Variants in NMNAT2 observed in about 807,000 individuals in gnomAD.
NMNAT2 encodes the protein nicotinamide nucleotide adenylyltransferase 2.
In NMNAT2, 11 loss-of-function variants were observed where a neutral mutation model predicts 41.6. The ratio of observed to expected loss-of-function variants is 0.26; its 90% confidence interval spans 0.17 to 0.44. NMNAT2 has a LOEUF of 0.44. NMNAT2 is among the 20% of genes least tolerant of loss of function. The pLI, the probability that NMNAT2 is intolerant of heterozygous loss-of-function variation, is 1.00. For missense variants in NMNAT2, 288 were observed against 407.7 expected, an observed-to-expected ratio of 0.71 and a Z score of 2.53; for synonymous variants, 148 against 151.2, an observed-to-expected ratio of 0.98 and a Z score of 0.16.
intron 10 of NMNAT2, among the ~76,000 whole-genome samples, chr1:183,259,277 C>T (rs1434353968): frequency 5.9e-5 from 9 of 152,186 alleles, no homozygotes; most frequent in Non-Finnish European, 1.2e-4. Flanking sequence ...CCACATGCTG[C>T]CCCTCTCCGC....
At chr1:183,367,221 G>A (rs1292176772) in intron 1 of NMNAT2, among the ~76,000 whole-genome samples, 2 of 152,202 alleles carry the variant, frequency 1.3e-5, no homozygotes, top group Admixed American at 1.3e-4. Context: ...CACTTTGGGA[G>A]GCTGAGGCGG....
At chr1:183,323,211 C>T (rs574664983) in intron 1 of NMNAT2, among the ~76,000 whole-genome samples, 59 of 152,286 alleles carry the variant, frequency 3.9e-4, no homozygotes, top group Non-Finnish European at 5.0e-4. Flanking sequence ...GGATTACAGG[C>T]GTGAGCCACC....
Position 183,252,721 on chromosome 1 carries a change from C to A in NMNAT2, c.844G>T (p.Gly282Cys), listed in dbSNP as rs1558105428. The stretch of plus-strand genomic sequence containing the variant: ...TGGGACAGGTAATCCACAACATGGC[C>A]GTCCCCATGCTGCAGGGCCAGCCTG... ...KSRLALQHGD[G>C]HVVDYLSQPV... is the part of the protein sequence containing the mutation. Residue 282 changes from glycine (G) to cysteine (C), a missense_variant, in exon 11 of 11, where the codon GGC becomes TGC. Around this residue, in one of 3 missense-constraint regions of NMNAT2, gnomAD observed 181 missense variants for 213.7 expected, o/e 0.85. Coordinates refer to ENST00000287713, the MANE Select transcript of NMNAT2 (RefSeq NM_015039.4). The A allele has an allele frequency of 6.2e-7, 1 of 1,613,838 alleles. No homozygotes were observed. Among genetic ancestry groups the A allele is most frequent in the Non-Finnish European group, 8.5e-7 (1 of 1,179,898 alleles).
chr1:183,273,361 G>A (rs547060287), intron 8 of NMNAT2, among the ~76,000 whole-genome samples: 45 of 152,364 alleles, frequency 3.0e-4, no homozygotes, highest in South Asian at 2.3e-3. Flanking sequence ...AGCAAAGTCT[G>A]TGGTCAACAA....
At chr1:183,370,900 C>T (rs1275861234) in intron 1 of NMNAT2, among the ~76,000 whole-genome samples, 1 of 152,146 alleles carries the variant, frequency 6.6e-6, no homozygotes, top group African/African-American at 2.4e-5. Context: ...AGCCCCAGAG[C>T]CTCAGGGAGG....
intron 4 of NMNAT2, among the ~76,000 whole-genome samples, chr1:183,289,581 C>T (rs1252324738): frequency 6.6e-6 from 1 of 152,222 alleles, no homozygotes; most frequent in Non-Finnish European, 1.5e-5. Flanking sequence ...ATAAAACAGG[C>T]ATCAGACACC....
intron 1 of NMNAT2, among the ~76,000 whole-genome samples, chr1:183,297,066 ACT>A (rs994241933): frequency 6.7e-6 from 1 of 148,296 alleles, no homozygotes; most frequent in Admixed American, 6.9e-5. Flanking sequence ...GTGCCTTCTA[ACT>A]CTTCACTTCC....
Position 183,249,390 on chromosome 1 carries a change from A to AT in NMNAT2, c.*3250dup, listed in dbSNP as rs373866030. 6.0e-4 allele frequency: 92 copies of AT among 152,118 alleles called. No homozygotes were observed. Among genetic ancestry groups the AT allele is most frequent in the African/African-American group, 2.1e-3 (88 of 41,496 alleles). 9.4% of individuals were successfully genotyped at this position (152,118 alleles called of 1,614,324 possible). On this transcript the variant is annotated 3_prime_UTR_variant, in exon 11 of 11. Transcript: ENST00000287713. ...CCACTTTCAGAAAAATGGGAGAGAC[A>AT]TTTTTTGCTGGTGAACAGGAAACAA...
At chr1:183,322,833 C>A (rs899042851) in intron 1 of NMNAT2, among the ~76,000 whole-genome samples, 1 of 152,182 alleles carries the variant, frequency 6.6e-6, no homozygotes, top group Admixed American at 6.5e-5. Context: ...ATTTATACTA[C>A]CTTGCAGACC....
At chr1:183,273,582 G>T (rs940841543) in intron 8 of NMNAT2, among the ~76,000 whole-genome samples, 3 of 152,130 alleles carry the variant, frequency 2.0e-5, no homozygotes, top group Non-Finnish European at 4.4e-5. Flanking sequence ...GGCTCATTCT[G>T]TATCCACTCC....
intron 10 of NMNAT2, among the ~76,000 whole-genome samples, chr1:183,259,723 C>G (rs575288105): frequency 6.6e-6 from 1 of 152,252 alleles, no homozygotes; most frequent in South Asian, 2.1e-4. Context: ...CCTCAGTCTC[C>G]CGAGTAGCTG....
intron 1 of NMNAT2, among the ~76,000 whole-genome samples, chr1:183,340,613 C>T (rs903951074): frequency 6.6e-6 from 1 of 152,156 alleles, no homozygotes; most frequent in Non-Finnish European, 1.5e-5. Context: ...CATGAGCCAC[C>T]GTGCCTGGCC....
Position 183,249,020 on chromosome 1 carries a change from T to C in NMNAT2, c.*3621A>G, listed in dbSNP as rs199829474. The C allele has an allele frequency of 6.6e-6, 1 of 152,064 alleles. No homozygotes were observed. Among genetic ancestry groups the C allele is most frequent in the Non-Finnish European group, 1.5e-5 (1 of 68,014 alleles). 9.4% of individuals were successfully genotyped at this position (152,064 alleles called of 1,614,324 possible). On this transcript the variant is annotated 3_prime_UTR_variant, in exon 11 of 11. Transcript: ENST00000287713. ...CCTTTTGCTGTAGTTCAGTTATTAT[T>C]GAGTCTCACTTTCTACTTAATTTGA...
Position 183,279,085 on chromosome 1 carries a change from T to C in NMNAT2, c.575-456A>G, listed in dbSNP as rs1340804131. On this transcript the variant is annotated intron_variant, in intron 7 of 10. Transcript: ENST00000287713. ...TTGTCTGGAGTTTGTCTCCCTGACA[T>C]GGGAGGGGGTGTGAGGGGACAGTGA... Among the ~76,000 whole-genome samples, 3 of 152,168 alleles carry C rather than the reference T, an allele frequency of 2.0e-5. No homozygotes were observed. In the East Asian group the frequency reaches 5.8e-4, roughly 29 times the overall value.
intron 10 of NMNAT2, among the ~76,000 whole-genome samples, chr1:183,253,200 CATATA>C (rs1227744948): frequency 6.7e-6 from 1 of 148,496 alleles, no homozygotes; most frequent in South Asian, 2.1e-4. Context: ...ATATTATCAT[CATATA>C]ATATAGTATA....
intron 8 of NMNAT2, among the ~76,000 whole-genome samples, chr1:183,277,386 G>A (rs1661148147): frequency 6.6e-6 from 1 of 151,916 alleles, no homozygotes; most frequent in African/African-American, 2.4e-5. Context: ...GGGAGGCTGA[G>A]GCAGAAGAAT....
chr1:183,301,840 G>A (rs1661862286), intron 1 of NMNAT2, among the ~76,000 whole-genome samples: 1 of 152,194 alleles, frequency 6.6e-6, no homozygotes, highest in Non-Finnish European at 1.5e-5. Flanking sequence ...CTTCCTTCTA[G>A]GGAGTTAATG....
chr1:183,398,348 C>T (rs1405206326), intron 1 of NMNAT2, among the ~76,000 whole-genome samples: 1 of 152,172 alleles, frequency 6.6e-6, no homozygotes, highest in Non-Finnish European at 1.5e-5. Flanking sequence ...ATCAATTCAA[C>T]AAGAAAAGCT....
rs558494182 is a variant in NMNAT2, at chr1:183,257,365, C to T, written c.821+3637G>A. 9.7e-4 allele frequency among the ~76,000 whole-genome samples: 148 copies of T among 152,084 alleles called. 2 individuals are homozygous for T. Among genetic ancestry groups the T allele is most frequent in the South Asian group, 8.7e-3 (42 of 4,806 alleles). On this transcript the variant is annotated intron_variant, in intron 10 of 10. Transcript: ENST00000287713. ...CTGAGGCAGGAGAATCACTTGAACC[C>T]GGGACGCGGAGGTTGCAGTGAGCCA... is the stretch of plus-strand genomic sequence containing the variant.
Sources: allele counts gnomAD v4.1 joint callset (sites outside exome capture counted in the v4.1 genomes callset), GRCh38; gene constraint gnomAD v4.1.1; regional missense constraint gnomAD v4.1.1; transcripts MANE v1.5; gene names NCBI Gene and HGNC (gene_info 2026-07-23, HGNC 2026-07-21).